The following ZNF143 variants were observed in gnomAD, a reference collection of about 807,000 sequenced individuals.
ZNF143 encodes SPH-binding factor.
In ZNF143, 49 loss-of-function variants were observed where a neutral mutation model predicts 74.1. That is an observed-to-expected ratio of 0.66 (90% CI 0.53 to 0.84). ZNF143 has a LOEUF of 0.84. Ranked by LOEUF, ZNF143 falls within the 40% of genes least tolerant of loss-of-function variation. The probability of loss-of-function intolerance (pLI) is 0.00; values close to 1 mark genes in which losing one functional copy is unlikely to be tolerated. For missense variants in ZNF143, 637 were observed against 793.4 expected (o/e 0.80, Z 2.37); for synonymous variants, 304 against 282.8 (o/e 1.07, Z -0.75).
chr11:9,469,238 T>A (rs1180646361), intron 1 of ZNF143, among the ~76,000 whole-genome samples: 6 of 84,790 alleles, frequency 7.1e-5, no homozygotes, highest in African/African-American at 2.1e-4. Flanking sequence ...TTTTTTTTTT[T>A]ACCACCCCCC....
At chr11:9,475,647 T>C (rs936398313) in intron 5 of ZNF143, among the ~76,000 whole-genome samples, 1 of 152,132 alleles carries the variant, frequency 6.6e-6, no homozygotes, top group South Asian at 2.1e-4. Flanking sequence ...TCCTAGCACT[T>C]TGGGAGGCCG....
intron 12 of ZNF143, 136 bp from the exon 13 acceptor site, chr11:9,512,312 G>A (rs1466808428): frequency 8.8e-7 from 1 of 1,138,544 alleles, no homozygotes; most frequent in African/African-American, 1.6e-5. Context: ...AGGAGGTCCT[G>A]GAAGCCATTT....
At position 9,527,515 on chromosome 11, in the gene ZNF143, G is replaced by T; in HGVS notation, c.1834-15G>T. On this transcript the variant is annotated splice_polypyrimidine_tract_variant and intron_variant, in intron 15 of 15. Coordinates refer to ENST00000396602, the MANE Select transcript of ZNF143 (RefSeq NM_003442.6). ...TTTGAATTGTTAGCGTTTGATGTGT[G>T]TGTTCCTGTTTCAGCTTGGAGAACA... is the stretch of plus-strand genomic sequence containing the variant. 3 of 1,613,202 alleles carry T rather than the reference G, an allele frequency of 1.9e-6. No individual in the cohort carries two copies. In the South Asian group the frequency reaches 3.3e-5, roughly 18 times the overall value.
At chr11:9,506,412 G>A (rs1485895452) in intron 11 of ZNF143, among the ~76,000 whole-genome samples, 2 of 152,232 alleles carry the variant, frequency 1.3e-5, no homozygotes, top group African/African-American at 2.4e-5. Context: ...GGGCAAATTA[G>A]CATTCAATAA....
Position 9,516,398 on chromosome 11 carries a change from A to G in ZNF143, c.1686+36A>G, listed in dbSNP as rs766406831. 3.2e-5 allele frequency: 50 copies of G among 1,554,332 alleles called. 2 individuals are homozygous for G. The Admixed American group carries it at 6.5e-4, about 20-fold the overall frequency. ...TTTTCTGTTATGTCAATCAATACAT[A>G]TATCAGTACCAAAACAGTTACATAG... On this transcript the variant is annotated intron_variant, in intron 14 of 15. Transcript: ENST00000396602.
chr11:9,508,800 T>C lies in ZNF143; in HGVS notation c.1329T>C (p.Thr443=), dbSNP rs142964997. ...ACAAACGGACAGCCCACAACGACAC[T>C]GAGCCCATCGAGGAGGAGCAGGAAG... ...AMHKRTAHND[T]EPIEEEQEAF... is the part of the protein sequence containing the mutation. Residue 443 remains threonine (T), a synonymous_variant, in exon 12 of 16, where the codon ACT becomes ACC. Transcript: ENST00000396602. The C allele has an allele frequency of 1.2e-5, 19 of 1,607,646 alleles. No individual in the cohort carries two copies. The African/African-American group carries it at 2.5e-4, about 22-fold the overall frequency.
At chr11:9,526,576 C>A (rs539139164) in intron 15 of ZNF143, among the ~76,000 whole-genome samples, 10 of 146,958 alleles carry the variant, frequency 6.8e-5, no homozygotes, top group Non-Finnish European at 1.4e-4. Flanking sequence ...TTGTCTCTTG[C>A]ATGTATGAAT....
intron 10 of ZNF143, among the ~76,000 whole-genome samples, chr11:9,500,308 A>G (rs4910469): frequency 0.088 from 13,175 of 149,804 alleles, 678 homozygotes; most frequent in African/African-American, 0.13. Flanking sequence ...TATTTTTGAC[A>G]TATGTGCTAG....
intron 14 of ZNF143, among the ~76,000 whole-genome samples, chr11:9,524,655 G>A (rs1471597711): frequency 1.3e-5 from 2 of 152,014 alleles, no homozygotes; most frequent in African/African-American, 2.4e-5. Flanking sequence ...TGTACTTGTG[G>A]TATAAGAGCC....
At chr11:9,489,801 G>A (rs935260286) in intron 7 of ZNF143, among the ~76,000 whole-genome samples, 19 of 152,258 alleles carry the variant, frequency 1.2e-4, no homozygotes, top group Admixed American at 1.1e-3. Flanking sequence ...TTAATTTGGA[G>A]TCTTCAATTG....
chr11:9,525,133 G>A (rs573865141), intron 14 of ZNF143, 107 bp from the exon 15 acceptor site: 88 of 1,333,820 alleles, frequency 6.6e-5, no homozygotes, highest in Non-Finnish European at 1.6e-5. Context: ...GGTCAGAGGA[G>A]TTTTTCCTTT....
At position 9,527,711 on chromosome 11, in the gene ZNF143, T is replaced by C. The variant is rs1849179041; in HGVS notation, c.*98T>C. The C allele has an allele frequency of 9.5e-7, 1 of 1,055,640 alleles. No homozygotes were observed. Among genetic ancestry groups the C allele is most frequent in the Non-Finnish European group, 1.4e-6 (1 of 695,450 alleles). The allele number at this position is 1,055,640 out of a possible 1,614,324, so 65.4% of individuals were successfully genotyped here. ...GCCCAGGAAAATTAGAAGTTTTCCA[T>C]TCCTGATACACTGTACACATTTTTA... is the stretch of plus-strand genomic sequence containing the variant. On this transcript the variant is annotated 3_prime_UTR_variant, in exon 16 of 16. Transcript: ENST00000396602.
chr11:9,512,300 GA>G, intron 12 of ZNF143, 147 bp from the exon 13 acceptor site: 1 of 939,420 alleles, frequency 1.1e-6, no homozygotes, highest in Non-Finnish European at 1.5e-6. Context: ...GGAGGAATTG[GA>G]AGGAGGTCCT....
intron 7 of ZNF143, among the ~76,000 whole-genome samples, chr11:9,490,524 G>A (rs1847733326): frequency 6.6e-6 from 1 of 151,586 alleles, no homozygotes; most frequent in Non-Finnish European, 1.5e-5. Flanking sequence ...GGGCTCAAGT[G>A]ATCCACCTGC....
At chr11:9,467,067 A>T (rs567122067) in intron 1 of ZNF143, among the ~76,000 whole-genome samples, 1 of 149,498 alleles carries the variant, frequency 6.7e-6, no homozygotes, top group Non-Finnish European at 1.5e-5. Context: ...AATTTTTTGT[A>T]TTTTTTAGTA....
At position 9,512,463 on chromosome 11, in the gene ZNF143, T is replaced by G. The variant is rs749831611; in HGVS notation, c.1391T>G (p.Val464Gly). The G allele has an allele frequency of 1.2e-6, 2 of 1,614,140 alleles. No homozygotes were observed. Among genetic ancestry groups the G allele is most frequent in the Non-Finnish European group, 1.7e-6 (2 of 1,179,988 alleles). ...TTTTAAACAGGTCAAGGTGAAGATG[T>G]TCTTAAAGGGTCCCAGATTACGTAT... ...FEPPPGQGEDVLKGSQITYVT... is the reference protein window; with the variant it reads ...FEPPPGQGEDGLKGSQITYVT... The change falls in exon 13 of 16, where the codon GTT (valine) becomes GGT (glycine). Residue 464 changes from valine to glycine, a missense_variant. Val to Gly is a moderately radical substitution (Grantham distance 109). Around this residue, in one of 2 missense-constraint regions of ZNF143, gnomAD observed 344 missense variants for 485.6 expected, o/e 0.71. Coordinates refer to ENST00000396602, the MANE Select transcript of ZNF143 (RefSeq NM_003442.6).
rs1207915130 is a variant in ZNF143 at position 9,504,897 on chromosome 11, T to G, written c.1147+3627T>G. The stretch of plus-strand genomic sequence containing the variant: ...ACCATGTTGGCCATGACAGTCTCAA[T>G]CTCTTGACCTTGTGATCCACCCGCC... On this transcript the variant is annotated intron_variant, in intron 11 of 15. Transcript: ENST00000396602. 4.1e-5 allele frequency among the ~76,000 whole-genome samples: 5 copies of G among 121,200 alleles called. 2 individuals carry two copies. The allele number at this position is 121,200 out of a possible 152,430, so 79.5% of individuals were successfully genotyped here. A position where few individuals can be genotyped will look rare whatever the true frequency, so the allele number is the denominator to read the frequency against.
At position 9,525,306 on chromosome 11, in the gene ZNF143, C is replaced by T; in HGVS notation, c.1753C>T (p.His585Tyr). 2 of 1,614,222 alleles carry T rather than the reference C, an allele frequency of 1.2e-6. No homozygotes were observed. Among genetic ancestry groups the T allele is most frequent in the Non-Finnish European group, 1.7e-6 (2 of 1,180,036 alleles). ...TASSEMGHQQ[H>Y]SHHLVTTETR... ...CTCATCAGAAATGGGGCACCAGCAG[C>T]ATAGCCATCACTTAGTAACCACAGA... Residue 585 changes from histidine (H) to tyrosine (Y), a missense_variant, in exon 15 of 16, where the codon CAT becomes TAT. Coordinates refer to ENST00000396602, the MANE Select transcript of ZNF143 (RefSeq NM_003442.6).
chr11:9,519,065 T>A (rs1428784619), intron 14 of ZNF143, among the ~76,000 whole-genome samples: 1 of 152,222 alleles, frequency 6.6e-6, no homozygotes, highest in East Asian at 1.9e-4. Flanking sequence ...TACAATTCAA[T>A]GAGTTATGTT....
Sources: gnomAD v4.1 joint callset for allele counts (sites outside exome capture counted in the v4.1 genomes callset) on GRCh38, gnomAD v4.1.1 for gene constraint, gnomAD v4.1.1 regional missense constraint, MANE v1.5 for transcripts, NCBI Gene and HGNC (gene_info 2026-07-23, HGNC 2026-07-21) for gene names.